ADAMTS12: variants seen among roughly 807,000 people sequenced by gnomAD.
ADAMTS12 encodes the protein A disintegrin and metalloproteinase with thrombospondin motifs 12.
ADAMTS12 carries 118 observed loss-of-function variants against 167.8 expected under a neutral mutation model. The ratio of observed to expected loss-of-function variants is 0.70; its 90% confidence interval spans 0.61 to 0.82. ADAMTS12 has a LOEUF of 0.82. Ranked by LOEUF, ADAMTS12 falls within the 40% of genes least tolerant of loss-of-function variation. The pLI is 0.00. For missense variants in ADAMTS12, 1,916 were observed against 1,998.8 expected (o/e 0.96, Z 0.79); for synonymous variants, 704 against 716.9 (o/e 0.98, Z 0.29).
chr5:33,559,594 A>G (rs1442653577), intron 20 of ADAMTS12, among the ~76,000 whole-genome samples: 2 of 152,244 alleles, frequency 1.3e-5, no homozygotes, highest in African/African-American at 2.4e-5. Context: ...TAAAAAGATC[A>G]GTATGGCTGG....
chr5:33,880,988 G>A, intron 2 of ADAMTS12, 131 bp downstream of exon 2: 2 of 1,358,688 alleles, frequency 1.5e-6, no homozygotes, highest in Admixed American at 2.3e-5. Context: ...CACTTTGGAG[G>A]CCAGGATCAT....
At chr5:33,830,460 G>A (rs2548025) in intron 2 of ADAMTS12, among the ~76,000 whole-genome samples, 17,097 of 152,134 alleles carry the variant, frequency 0.11, 1,049 homozygotes, top group South Asian at 0.24. Context: ...GTCTGGGGAC[G>A]AGAGGTCCTA....
At chr5:33,592,877 AT>A (rs751120053) in intron 17 of ADAMTS12, among the ~76,000 whole-genome samples, 8 of 152,386 alleles carry the variant, frequency 5.2e-5, no homozygotes, top group African/African-American at 1.9e-4. Flanking sequence ...GATCATGGAA[AT>A]TCGGTGACAG....
At chr5:33,860,197 G>A (rs570377589) in intron 2 of ADAMTS12, among the ~76,000 whole-genome samples, 2 of 152,188 alleles carry the variant, frequency 1.3e-5, no homozygotes, top group East Asian at 3.9e-4. Context: ...TCAGAAGTTA[G>A]GTAATAACAA....
intron 2 of ADAMTS12, among the ~76,000 whole-genome samples, chr5:33,837,864 G>A (rs529542135): frequency 1.3e-5 from 2 of 152,316 alleles, no homozygotes; most frequent in Non-Finnish European, 2.9e-5. Flanking sequence ...CAGATTTTCT[G>A]TTGAGCAAGC....
At chr5:33,840,840 C>T (rs769015723) in intron 2 of ADAMTS12, among the ~76,000 whole-genome samples, 2 of 152,212 alleles carry the variant, frequency 1.3e-5, no homozygotes, top group Non-Finnish European at 2.9e-5. Context: ...TAGTGCAGTG[C>T]TAATCCAAAG....
chr5:33,736,491 T>G (rs73761508), intron 3 of ADAMTS12, among the ~76,000 whole-genome samples: 2,363 of 152,308 alleles, frequency 0.016, 71 homozygotes, highest in African/African-American at 0.055. Context: ...TCTGCAGAAT[T>G]TTTGTGTTCA....
intron 20 of ADAMTS12, among the ~76,000 whole-genome samples, chr5:33,560,817 G>GT (rs1745708249): frequency 2.0e-5 from 3 of 147,740 alleles, no homozygotes; most frequent in Non-Finnish European, 4.5e-5. Context: ...TATACCTAAT[G>GT]TAAATGACGA....
intron 10 of ADAMTS12, 74 bp downstream of exon 10, chr5:33,643,304 G>A: frequency 1.3e-6 from 2 of 1,485,088 alleles, no homozygotes; most frequent in Non-Finnish European, 1.9e-6. Flanking sequence ...TTGCCCTCTA[G>A]GGCCTTCTCC....
At chr5:33,666,227 C>A (rs115319327) in intron 5 of ADAMTS12, among the ~76,000 whole-genome samples, 3,947 of 152,306 alleles carry the variant, frequency 0.026, 71 homozygotes, top group Non-Finnish European at 0.039. Context: ...CACAGTCCAG[C>A]GGCGCAGGGC....
chr5:33,842,899 G>A (rs1008861790), intron 2 of ADAMTS12, among the ~76,000 whole-genome samples: 44 of 152,310 alleles, frequency 2.9e-4, no homozygotes, highest in African/African-American at 1.0e-3. Context: ...AGGTAGAGCT[G>A]GGAATCTGTA....
At chr5:33,562,383 A>T (rs1041174045) in intron 19 of ADAMTS12, among the ~76,000 whole-genome samples, 6 of 152,054 alleles carry the variant, frequency 3.9e-5, no homozygotes, top group Admixed American at 3.9e-4. Flanking sequence ...AAACCATGAA[A>T]ATGTCCATCA....
At chr5:33,661,769 T>C in intron 6 of ADAMTS12, 147 bp downstream of exon 6, 1 of 1,113,588 alleles carries the variant, frequency 9.0e-7, no homozygotes, top group Non-Finnish European at 1.3e-6. Context: ...GATAGGGAAG[T>C]CAGGAGTTGA....
chr5:33,672,677 A>G (rs1200860734), intron 5 of ADAMTS12, among the ~76,000 whole-genome samples: 2 of 152,214 alleles, frequency 1.3e-5, no homozygotes, highest in Admixed American at 6.5e-5. Flanking sequence ...GAAAAAGCGA[A>G]TGTTTACAAA....
At chr5:33,795,062 G>A (rs7712316) in intron 2 of ADAMTS12, among the ~76,000 whole-genome samples, 25,776 of 152,138 alleles carry the variant, frequency 0.17, 2,258 homozygotes, top group East Asian at 0.18. Context: ...ACAGACTTAC[G>A]TGTACAGCAA....
chr5:33,770,653 A>C (rs759695217), intron 2 of ADAMTS12, among the ~76,000 whole-genome samples: 21 of 151,854 alleles, frequency 1.4e-4, no homozygotes, highest in Non-Finnish European at 2.5e-4. Context: ...TCTGCCCTCA[A>C]ATTCTGCCCT....
chr5:33,818,453 A>G (rs1038825550), intron 2 of ADAMTS12, among the ~76,000 whole-genome samples: 5 of 152,088 alleles, frequency 3.3e-5, no homozygotes, highest in Admixed American at 1.3e-4. Context: ...TATTCCATAT[A>G]TACACATTTC....
intron 2 of ADAMTS12, among the ~76,000 whole-genome samples, chr5:33,762,918 A>G (rs914417862): frequency 6.6e-6 from 1 of 152,194 alleles, no homozygotes; most frequent in African/African-American, 2.4e-5. Context: ...CATCTGCTTA[A>G]GGCAAGTAGA....
At chr5:33,614,962 A>G (rs1011761740) in intron 15 of ADAMTS12, among the ~76,000 whole-genome samples, 3 of 152,206 alleles carry the variant, frequency 2.0e-5, no homozygotes, top group African/African-American at 7.2e-5. Context: ...GCTACTCAGT[A>G]TCTTTAACAA....
Sources: gnomAD v4.1 joint callset for allele counts (sites outside exome capture counted in the v4.1 genomes callset) on GRCh38, gnomAD v4.1.1 for gene constraint, MANE v1.5 for transcripts, NCBI Gene and HGNC (gene_info 2026-07-23, HGNC 2026-07-21) for gene names.